TRIM44: variants seen among roughly 807,000 people sequenced by gnomAD.
TRIM44 encodes tripartite motif-containing protein 44.
TRIM44 carries 13 observed loss-of-function variants against 37.4 expected under a neutral mutation model. The observed-to-expected ratio is 0.35, with a 90% CI of 0.23 to 0.55. The LOEUF is 0.55. Among genes scored for constraint, TRIM44 ranks in the 20% least tolerant of loss-of-function variants. The pLI, the probability that TRIM44 is intolerant of heterozygous loss-of-function variation, is 0.89. For synonymous variants in TRIM44, 175 were observed against 157.2 expected (o/e 1.11, Z -0.85); for missense variants, 426 against 437.2 (o/e 0.97, Z 0.23).
At chr11:35,668,052 T>G (rs1851802595) in intron 1 of TRIM44, among the ~76,000 whole-genome samples, 1 of 152,220 alleles carries the variant, frequency 6.6e-6, no homozygotes. Context: ...ATTGAAATAT[T>G]TCTTCCTATA....
intron 2 of TRIM44, among the ~76,000 whole-genome samples, chr11:35,722,253 A>G (rs972276043): frequency 1.3e-5 from 2 of 152,242 alleles, no homozygotes; most frequent in African/African-American, 4.8e-5. Context: ...CATGCAGTCT[A>G]CAATTTTTAA....
At chr11:35,782,944 T>C (rs1156828296) in intron 4 of TRIM44, among the ~76,000 whole-genome samples, 2 of 152,158 alleles carry the variant, frequency 1.3e-5, no homozygotes, top group African/African-American at 4.8e-5. Flanking sequence ...TTAGCTCCAC[T>C]TTACAGAAGA....
At chr11:35,798,841 A>T (rs1853328418) in intron 4 of TRIM44, among the ~76,000 whole-genome samples, 1 of 152,226 alleles carries the variant, frequency 6.6e-6, no homozygotes, top group Non-Finnish European at 1.5e-5. Flanking sequence ...TATAAAAGAT[A>T]ACTTATTTTT....
At chr11:35,775,896 A>G (rs561956085) in intron 4 of TRIM44, among the ~76,000 whole-genome samples, 4 of 152,328 alleles carry the variant, frequency 2.6e-5, no homozygotes, top group South Asian at 4.1e-4. Flanking sequence ...GGATTTTTGC[A>G]TCGATGTTCA....
At chr11:35,725,103 CA>C (rs1271788479) in intron 2 of TRIM44, among the ~76,000 whole-genome samples, 4 of 149,410 alleles carry the variant, frequency 2.7e-5, no homozygotes, top group South Asian at 2.1e-4. Context: ...CACACACACA[CA>C]CCCTCCATCT....
chr11:35,669,488 A>G (rs1007111598), intron 1 of TRIM44, among the ~76,000 whole-genome samples: 1 of 151,640 alleles, frequency 6.6e-6, no homozygotes, highest in African/African-American at 2.4e-5. Context: ...TTATTTATTT[A>G]TTTAGAGACG....
chr11:35,672,993 A>G (rs956722909), intron 1 of TRIM44, among the ~76,000 whole-genome samples: 3 of 152,180 alleles, frequency 2.0e-5, no homozygotes, highest in African/African-American at 7.2e-5. Flanking sequence ...TAGAAAGTTT[A>G]TGTGAGGCCT....
At chr11:35,706,503 A>G (rs1481001142) in intron 2 of TRIM44, among the ~76,000 whole-genome samples, 6 of 152,216 alleles carry the variant, frequency 3.9e-5, no homozygotes, top group Admixed American at 6.5e-5. Flanking sequence ...CATCGATGCA[A>G]AAATCCTCAA....
intron 1 of TRIM44, among the ~76,000 whole-genome samples, chr11:35,680,350 A>T (rs1045538469): frequency 2.0e-5 from 3 of 152,212 alleles, no homozygotes; most frequent in African/African-American, 7.2e-5. Flanking sequence ...CAGTCCCAGC[A>T]ATAATTGCTT....
intron 4 of TRIM44, among the ~76,000 whole-genome samples, chr11:35,769,037 G>A (rs1852832461): frequency 6.6e-6 from 1 of 152,138 alleles, no homozygotes; most frequent in Non-Finnish European, 1.5e-5. Context: ...GGCATTAGTG[G>A]ATCCACATTT....
At chr11:35,704,470 A>G (rs966335733) in intron 2 of TRIM44, among the ~76,000 whole-genome samples, 21 of 152,204 alleles carry the variant, frequency 1.4e-4, no homozygotes, top group African/African-American at 5.1e-4. Context: ...CAGATTCACC[A>G]AAGTTGAAAT....
At chr11:35,697,005 A>G (rs918281186) in intron 2 of TRIM44, among the ~76,000 whole-genome samples, 4 of 152,242 alleles carry the variant, frequency 2.6e-5, no homozygotes, top group African/African-American at 9.6e-5. Flanking sequence ...AATTTATAAT[A>G]AAACCTTAAA....
intron 2 of TRIM44, among the ~76,000 whole-genome samples, chr11:35,704,700 C>T (rs1379746439): frequency 2.6e-5 from 4 of 152,170 alleles, no homozygotes; most frequent in Non-Finnish European, 5.9e-5. Context: ...ACTTTACAGA[C>T]AAGCAAATGC....
intron 2 of TRIM44, among the ~76,000 whole-genome samples, chr11:35,697,980 G>T (rs544190642): frequency 6.6e-6 from 1 of 151,550 alleles, no homozygotes; most frequent in South Asian, 2.1e-4. Flanking sequence ...GTAATGGGAT[G>T]GCTGGGTCAA....
At chr11:35,668,411 A>G (rs544251940) in intron 1 of TRIM44, among the ~76,000 whole-genome samples, 9 of 152,222 alleles carry the variant, frequency 5.9e-5, no homozygotes, top group East Asian at 1.9e-4. Flanking sequence ...GTTCCCCACA[A>G]TGTGTTCATA....
rs550890608 is a variant in TRIM44 at position 35,799,754 on chromosome 11, A to G, written c.1008-6604A>G. 5.3e-5 allele frequency among the ~76,000 whole-genome samples: 8 copies of G among 152,272 alleles called. No individual in the cohort carries two copies. In the East Asian group the frequency reaches 1.5e-3, roughly 29 times the overall value. On this transcript the variant is annotated intron_variant, in intron 4 of 4. Transcript: ENST00000299413. ...CCAGAAGCTATCGGTGAGTTTATGT[A>G]TATAGATGTCTTAGCACAGTTTGTG...
Position 35,798,028 on chromosome 11 carries a change from G to A in TRIM44, c.1008-8330G>A, listed in dbSNP as rs116541080. On this transcript the variant is annotated intron_variant, in intron 4 of 4. Coordinates refer to ENST00000299413, the MANE Select transcript of TRIM44 (RefSeq NM_017583.6). Reference sequence around the variant, plus strand: ...ATGTCCCCAAGGTGGTCGGGGCACAGCATGGTTTCATACATTTTAGGGAGA... The same window carrying A: ...ATGTCCCCAAGGTGGTCGGGGCACAACATGGTTTCATACATTTTAGGGAGA... Among the ~76,000 whole-genome samples, 707 of 152,286 alleles carry A rather than the reference G, an allele frequency of 4.6e-3. 7 individuals carry two copies. The highest frequency in any genetic ancestry group is 0.016 in the African/African-American group (674 of 41,544).
At chr11:35,745,459 C>T (rs1424345601) in intron 4 of TRIM44, among the ~76,000 whole-genome samples, 1 of 152,122 alleles carries the variant, frequency 6.6e-6, no homozygotes, top group East Asian at 1.9e-4. Context: ...CTCCTGTCTT[C>T]CTCTAATTTA....
chr11:35,747,524 C>T (rs1017853207), intron 4 of TRIM44, among the ~76,000 whole-genome samples: 1 of 152,138 alleles, frequency 6.6e-6, no homozygotes, highest in Non-Finnish European at 1.5e-5. Flanking sequence ...ATCTTCCAAC[C>T]TCATGGCCAG....
Sources: gnomAD v4.1 joint callset for allele counts (sites outside exome capture counted in the v4.1 genomes callset) on GRCh38, gnomAD v4.1.1 for gene constraint, MANE v1.5 for transcripts, NCBI Gene and HGNC (gene_info 2026-07-23, HGNC 2026-07-21) for gene names.